Variants in SLC37A1 observed in about 807,000 individuals in gnomAD.
SLC37A1 encodes glucose-6-phosphate exchanger SLC37A1.
Under a neutral mutation model 75.3 loss-of-function variants are expected in SLC37A1, and 49 were observed. That is an observed-to-expected ratio of 0.65 (90% CI 0.52 to 0.83). The LOEUF (loss-of-function observed/expected upper bound fraction) is 0.83, where lower values mean the gene tolerates loss of function less well. Ranked by LOEUF, SLC37A1 falls within the 40% of genes least tolerant of loss-of-function variation. SLC37A1 has a pLI of 0.00. For missense variants in SLC37A1, 566 were observed against 695.0 expected (o/e 0.81, Z 2.09); for synonymous variants, 268 against 292.1 (o/e 0.92, Z 0.84).
At chr21:42,565,963 G>T (rs927312801) in intron 15 of SLC37A1, 88 bp downstream of exon 15, 4 of 1,367,062 alleles carry the variant, frequency 2.9e-6, no homozygotes, top group African/African-American at 1.4e-5. Context: ...ATCAACAGGC[G>T]CATTGAGCTG....
chr21:42,546,341 GT>G (rs1157114317), intron 8 of SLC37A1, among the ~76,000 whole-genome samples: 1 of 152,154 alleles, frequency 6.6e-6, no homozygotes, highest in Non-Finnish European at 1.5e-5. Flanking sequence ...AAAGATGTTT[GT>G]TCCATATCAA....
chr21:42,564,902 GC>G, intron 14 of SLC37A1, 109 bp downstream of exon 14: 1 of 1,037,412 alleles, frequency 9.6e-7, no homozygotes, highest in Non-Finnish European at 1.4e-6. Flanking sequence ...TTCCTGACAA[GC>G]CCGCTTCATT....
In SLC37A1 at chr21:42,543,537, C is replaced by T. The variant is rs759519695; in HGVS notation, c.665C>T (p.Ser222Phe). The change falls in exon 8 of 20, where the codon TCC becomes TTC. Residue 222 changes from serine to phenylalanine, a missense_variant. Coordinates refer to ENST00000352133, the MANE Select transcript of SLC37A1 (RefSeq NM_001320537.2). ...GYWVSTCWGL[S>F]FVVPGAIVAA... ...TGGGTGTCCACATGCTGGGGCCTGT[C>T]CTTCGTCGTGCCTGGAGCCATCGTG... The T allele has an allele frequency of 6.2e-7, 1 of 1,613,834 alleles. No homozygotes were observed. Among genetic ancestry groups the T allele is most frequent in the Admixed American group, 1.7e-5 (1 of 59,984 alleles).
chr21:42,563,731 C>T, intron 12 of SLC37A1, 84 bp from the exon 13 acceptor site: 1 of 1,285,048 alleles, frequency 7.8e-7, no homozygotes, highest in Admixed American at 1.7e-5. Flanking sequence ...GAGTCCCGTG[C>T]ACGGGTCCTG....
chr21:42,565,713 T>C, intron 14 of SLC37A1, 114 bp from the exon 15 acceptor site: 3 of 958,386 alleles, frequency 3.1e-6, no homozygotes, highest in South Asian at 2.9e-5. Flanking sequence ...GGGTTTCCAC[T>C]CTTGGGATGG....
At chr21:42,504,927 C>G (rs1056676422) in intron 2 of SLC37A1, among the ~76,000 whole-genome samples, 1 of 152,200 alleles carries the variant, frequency 6.6e-6, no homozygotes, top group East Asian at 1.9e-4. Context: ...TTCCTTCCCC[C>G]TTCCCCAACC....
chr21:42,559,549 C>T (rs1308588968), intron 11 of SLC37A1, among the ~76,000 whole-genome samples: 3 of 152,236 alleles, frequency 2.0e-5, no homozygotes, highest in Non-Finnish European at 4.4e-5. Flanking sequence ...GCGCCGTGGC[C>T]TTCGCGAGCC....
intron 2 of SLC37A1, among the ~76,000 whole-genome samples, chr21:42,519,059 C>A (rs1385101623): frequency 6.6e-6 from 1 of 152,206 alleles, no homozygotes; most frequent in South Asian, 2.1e-4. Context: ...TGAAGCTGGG[C>A]TCCCTGGCCT....
chr21:42,565,995 TG>T, intron 15 of SLC37A1, 120 bp downstream of exon 15: 1 of 955,690 alleles, frequency 1.0e-6, no homozygotes, highest in Non-Finnish European at 1.5e-6. Context: ...GCACATGGTG[TG>T]GCTAAAATTG....
chr21:42,573,609 A>T (rs551715066), intron 17 of SLC37A1, among the ~76,000 whole-genome samples: 7 of 148,062 alleles, frequency 4.7e-5, no homozygotes, highest in African/African-American at 1.7e-4. Context: ...TCTGAGAATT[A>T]AAAAAAAAAA....
At chr21:42,516,752 T>C (rs1385455109) in intron 1 of SLC37A1, among the ~76,000 whole-genome samples, 1 of 152,218 alleles carries the variant, frequency 6.6e-6, no homozygotes, top group Non-Finnish European at 1.5e-5. Context: ...AGGTTTTTGA[T>C]TTATTTAGTA....
At chr21:42,513,166 G>T (rs1232669939), upstream of SLC37A1, among the ~76,000 whole-genome samples, 3 of 152,264 alleles carry the variant, frequency 2.0e-5, no homozygotes, top group African/African-American at 7.2e-5. Flanking sequence ...GCTTCTAGGG[G>T]ACTGGCCAGG....
intron 17 of SLC37A1, among the ~76,000 whole-genome samples, chr21:42,572,695 T>TAAAAAAAA (rs1421400961): frequency 1.4e-3 from 191 of 132,238 alleles, no homozygotes; most frequent in Non-Finnish European, 2.5e-3. Flanking sequence ...AAAAAAAGAG[T>TAAAAAAAA]GTGTCCTGAG....
intron 8 of SLC37A1, among the ~76,000 whole-genome samples, chr21:42,543,818 C>T (rs2055343497): frequency 1.3e-5 from 2 of 152,224 alleles, no homozygotes; most frequent in South Asian, 4.1e-4. Context: ...TGGAGTGACC[C>T]ATGTCCCCAT....
chr21:42,531,022 G>A (rs1195975186), intron 3 of SLC37A1, among the ~76,000 whole-genome samples: 1 of 152,210 alleles, frequency 6.6e-6, no homozygotes, highest in Non-Finnish European at 1.5e-5. Flanking sequence ...GGATGAGGGA[G>A]GAGTCCAGTC....
At chr21:42,561,864 G>GC in intron 11 of SLC37A1, 2 of 511,978 alleles carry the variant, frequency 3.9e-6, no homozygotes, top group African/African-American at 1.9e-5. Flanking sequence ...CCTCCCTGGT[G>GC]CCCCTGCTCG....
intron 5 of SLC37A1, among the ~76,000 whole-genome samples, chr21:42,539,209 G>A (rs540857092): frequency 6.6e-6 from 1 of 152,346 alleles, no homozygotes; most frequent in South Asian, 2.1e-4. Flanking sequence ...CTAGCAAGAC[G>A]AGTTCCTGTT....
At chr21:42,500,394 C>T (rs1035232469) in intron 1 of SLC37A1, among the ~76,000 whole-genome samples, 8 of 152,124 alleles carry the variant, frequency 5.3e-5, no homozygotes, top group African/African-American at 7.2e-5. Flanking sequence ...GCCCTAGCTC[C>T]GTATACTTCT....
intron 5 of SLC37A1, 27 bp from the exon 6 acceptor site, chr21:42,539,485 A>G: frequency 6.3e-7 from 1 of 1,596,434 alleles, no homozygotes; most frequent in South Asian, 1.1e-5. Flanking sequence ...TGTTATTCCT[A>G]TTTGTCTTTC....
Sources: allele counts gnomAD v4.1 joint callset (sites outside exome capture counted in the v4.1 genomes callset), GRCh38; gene constraint gnomAD v4.1.1; transcripts MANE v1.5; gene names NCBI Gene and HGNC (gene_info 2026-07-23, HGNC 2026-07-21).